The following RBM26 variants were observed in gnomAD, a reference collection of about 807,000 sequenced individuals.
RBM26 encodes the protein RNA binding motif protein 26, also known as RNA-binding protein 26.
RBM26 carries 30 observed loss-of-function variants against 123.6 expected under a neutral mutation model. The ratio of observed to expected loss-of-function variants is 0.24; its 90% CI spans 0.18 to 0.33. The LOEUF (loss-of-function observed/expected upper bound fraction) is 0.33, where lower values mean the gene tolerates loss of function less well. Among genes scored for constraint, RBM26 ranks in the 10% least tolerant of loss-of-function variants. RBM26 has a pLI of 1.00. For missense variants in RBM26, 947 were observed against 1,203.6 expected, an observed-to-expected ratio of 0.79 and a Z score of 3.15; for synonymous variants, 400 against 404.4, an observed-to-expected ratio of 0.99 and a Z score of 0.13.
At chr13:79,331,164 C>T (rs976121546) in intron 20 of RBM26, among the ~76,000 whole-genome samples, 1 of 152,114 alleles carries the variant, frequency 6.6e-6, no homozygotes, top group Admixed American at 6.5e-5. Context: ...GTGCACGCCA[C>T]CACACCTGGC....
rs1227823715 is a variant in RBM26, at chr13:79,368,820, C to T, written c.805G>A (p.Glu269Lys). ...TCTTCATGAAATTCAGACCAACTTT[C>T]GGTAGTGTTGTTTCCATGATGAGTA... ...APTHHGNNTT[E>K]SWSEFHEDQV... Residue 269 changes from glutamate to lysine, a missense_variant, in exon 6 of 22, where the codon GAA (glutamate) becomes AAA (lysine). Around this residue, in one of 5 missense-constraint regions of RBM26, gnomAD observed 275 missense variants for 361.0 expected, o/e 0.76. Coordinates refer to ENST00000438737, the MANE Select transcript of RBM26 (RefSeq NM_001366735.2). 1.9e-6 allele frequency: 3 copies of T among 1,613,750 alleles called. No homozygotes were observed. Among genetic ancestry groups the T allele is most frequent in the South Asian group, 1.1e-5 (1 of 91,068 alleles).
intron 11 of RBM26, among the ~76,000 whole-genome samples, chr13:79,357,996 C>T (rs2074235418): frequency 6.6e-6 from 1 of 151,660 alleles, no homozygotes; most frequent in Non-Finnish European, 1.5e-5. Context: ...AATTCTCCTG[C>T]CTCAACCTCC....
At chr13:79,346,712 T>G (rs978403947) in intron 14 of RBM26, among the ~76,000 whole-genome samples, 1 of 152,208 alleles carries the variant, frequency 6.6e-6, no homozygotes, top group Non-Finnish European at 1.5e-5. Flanking sequence ...CAGACTTCAG[T>G]GACCTTTCTT....
chr13:79,338,601 ATGTTAAGGATTC>A (rs2070858311), intron 18 of RBM26, among the ~76,000 whole-genome samples: 1 of 152,226 alleles, frequency 6.6e-6, no homozygotes, highest in South Asian at 2.1e-4. Flanking sequence ...TTTAAGGATC[ATGTTAAGGATTC>A]TGAGTTTTAT....
chr13:79,379,736 G>GA (rs1470976853), intron 1 of RBM26, among the ~76,000 whole-genome samples: 1 of 148,692 alleles, frequency 6.7e-6, no homozygotes, highest in Non-Finnish European at 1.5e-5. Flanking sequence ...GTCAACCAAT[G>GA]AAAAACAAGC....
intron 10 of RBM26, 37 bp downstream of exon 10, chr13:79,359,538 G>A (rs757334444): frequency 1.1e-6 from 1 of 922,188 alleles, no homozygotes; most frequent in African/African-American, 1.7e-5. Flanking sequence ...GAAAATCAAT[G>A]CACAATTATA....
chr13:79,396,818 A>G (rs948918809), intron 1 of RBM26, among the ~76,000 whole-genome samples: 1 of 152,252 alleles, frequency 6.6e-6, no homozygotes, highest in Non-Finnish European at 1.5e-5. Flanking sequence ...TAATATTTGA[A>G]AAGCAATCCA....
At chr13:79,389,226 T>C (rs1233415487) in intron 1 of RBM26, among the ~76,000 whole-genome samples, 3 of 152,158 alleles carry the variant, frequency 2.0e-5, no homozygotes, top group Non-Finnish European at 4.4e-5. Context: ...CTACTTATAA[T>C]GCAATACATA....
rs56071300 is a variant in RBM26 at position 79,319,949 on chromosome 13, C to CT, written c.*671dup. On this transcript the variant is annotated 3_prime_UTR_variant, in exon 22 of 22. Transcript: ENST00000438737. Reference sequence around the variant, plus strand: ...TTTAAATCAAGGAACATTGTCTTGGCTTTTTTTTTTTTTTTTTTTTTGTCA... The same window carrying CT: ...TTTAAATCAAGGAACATTGTCTTGGCTTTTTTTTTTTTTTTTTTTTTTGTCA... 2,937 of 115,224 alleles carry CT rather than the reference C, an allele frequency of 0.025. 3 individuals are homozygous for CT. The highest frequency in any genetic ancestry group is 0.093 in the African/African-American group (308 of 3,308). 7.1% of individuals were successfully genotyped at this position (115,224 alleles called of 1,614,324 possible). A position where few individuals can be genotyped will look rare whatever the true frequency, so the allele number is the denominator to read the frequency against.
intron 5 of RBM26, 66 bp downstream of exon 5, chr13:79,370,879 A>G (rs1303160766): frequency 2.0e-6 from 3 of 1,494,100 alleles, no homozygotes; most frequent in Non-Finnish European, 2.8e-6. Flanking sequence ...CAAAATGTTA[A>G]GCAATTTTTA....
rs761705557 is a variant in RBM26, at chr13:79,366,162, G to C, written c.1169C>G (p.Ser390Cys). Reference sequence around the variant, plus strand: ...AGAGTTTGGAGGAGCATCCATGCCAGATGGCTGCAAAGGAGGAAGTGGAGG... The same window carrying C: ...AGAGTTTGGAGGAGCATCCATGCCACATGGCTGCAAAGGAGGAAGTGGAGG... ...PPPPLPPLQPSGMDAPPNSAT... is the reference protein window; with the variant it reads ...PPPPLPPLQPCGMDAPPNSAT... The change falls in exon 8 of 22, where the codon TCT becomes TGT. Residue 390 changes from serine to cysteine, a missense_variant. This residue lies in a region of RBM26 where 493 missense variants were observed against 563.1 expected (regional missense o/e 0.88). Coordinates refer to ENST00000438737, the MANE Select transcript of RBM26 (RefSeq NM_001366735.2). 2 of 1,613,460 alleles carry C rather than the reference G, an allele frequency of 1.2e-6. No individual in the cohort carries two copies. Among genetic ancestry groups the C allele is most frequent in the African/African-American group, 2.7e-5 (2 of 74,934 alleles).
intron 1 of RBM26, among the ~76,000 whole-genome samples, chr13:79,398,564 A>AC (rs1484657106): frequency 6.6e-6 from 1 of 152,216 alleles, no homozygotes; most frequent in East Asian, 1.9e-4. Context: ...TAACTCTTCT[A>AC]CCAGCTATAA....
rs1593970098 is a variant in RBM26, at chr13:79,329,193, G to A, written c.2820+5151C>T. Among the ~76,000 whole-genome samples the A allele has an allele frequency of 4.6e-5, 7 of 152,138 alleles. No homozygotes were observed. The East Asian group carries it at 1.4e-3, about 29-fold the overall frequency. ...GAGTCTAGAATTAACAAGTATCAGA[G>A]TGAATTCTGAATTTATCTTTACCTA... On this transcript the variant is annotated intron_variant, in intron 20 of 21. Coordinates refer to ENST00000438737, the MANE Select transcript of RBM26 (RefSeq NM_001366735.2).
At chr13:79,371,445 C>T (rs2075868136) in intron 4 of RBM26, among the ~76,000 whole-genome samples, 1 of 152,094 alleles carries the variant, frequency 6.6e-6, no homozygotes, top group Non-Finnish European at 1.5e-5. Flanking sequence ...ACATATAGAA[C>T]ATACTATCCC....
At chr13:79,320,804 G>A (rs2067581156) in intron 21 of RBM26, 94 bp from the exon 22 acceptor site, 1 of 1,265,116 alleles carries the variant, frequency 7.9e-7, no homozygotes, top group Non-Finnish European at 1.0e-6. Context: ...TCTCTCAACA[G>A]AGTTGAATAC....
intron 1 of RBM26, among the ~76,000 whole-genome samples, chr13:79,392,810 T>G (rs57821487): frequency 6.8e-6 from 1 of 148,052 alleles, no homozygotes; most frequent in African/African-American, 2.5e-5. Context: ...AAAAAAAATC[T>G]GTAAATGAAC....
chr13:79,355,647 T>C (rs1233152199), intron 11 of RBM26, among the ~76,000 whole-genome samples: 1 of 152,176 alleles, frequency 6.6e-6, no homozygotes, highest in Non-Finnish European at 1.5e-5. Context: ...ATTCAAAGTG[T>C]TTCTCTTTTT....
chr13:79,320,427 T>A lies in RBM26; in HGVS notation c.*194A>T, dbSNP rs902645067. On this transcript the variant is annotated 3_prime_UTR_variant, in exon 22 of 22. Transcript: ENST00000438737. ...TGTGATGTCTTTAGCAATTGTTTAC[T>A]GAAGTAAAATGCAAACATCAATCTT... is the stretch of plus-strand genomic sequence containing the variant. 3.2e-6 allele frequency: 4 copies of A among 1,230,938 alleles called. No homozygotes were observed. The highest frequency in any genetic ancestry group is 4.1e-6 in the Non-Finnish European group (4 of 982,002). The allele number at this position is 1,230,938 out of a possible 1,614,324, so 76.3% of individuals were successfully genotyped here.
intron 9 of RBM26, among the ~76,000 whole-genome samples, chr13:79,364,948 A>G (rs1055822503): frequency 1.3e-5 from 2 of 152,166 alleles, no homozygotes; most frequent in African/African-American, 4.8e-5. Context: ...TTAGGAATTA[A>G]AGCGTTACTC....
Sources: gnomAD v4.1 joint callset for allele counts (sites outside exome capture counted in the v4.1 genomes callset) on GRCh38, gnomAD v4.1.1 for gene constraint, gnomAD v4.1.1 regional missense constraint, MANE v1.5 for transcripts, NCBI Gene and HGNC (gene_info 2026-07-23, HGNC 2026-07-21) for gene names.